The following BRI3 variants were observed in gnomAD, a reference collection of about 807,000 sequenced individuals.
BRI3 encodes the protein membrane protein BRI3.
Under a neutral mutation model 12.8 loss-of-function variants are expected in BRI3, and 6 were observed. That is an observed-to-expected ratio of 0.47 (90% CI 0.26 to 0.93). BRI3 has a LOEUF of 0.93. BRI3 is among the 40% of genes least tolerant of loss of function. The pLI is 0.15. For missense variants in BRI3, 134 were observed against 171.1 expected, an observed-to-expected ratio of 0.78 and a Z score of 1.21; for synonymous variants, 91 against 76.1, an observed-to-expected ratio of 1.20 and a Z score of -1.02.
At chr7:98,306,387 G>T (rs768288557), upstream of BRI3, 15 of 1,598,964 alleles carry the variant, frequency 9.4e-6, no homozygotes, top group Admixed American at 5.0e-5. Flanking sequence ...TTACAGAAAC[G>T]ACAAGGCAGG....
intron 2 of BRI3, among the ~76,000 whole-genome samples, chr7:98,285,462 G>T (rs1217361764): frequency 6.6e-6 from 1 of 152,218 alleles, no homozygotes; most frequent in Admixed American, 6.5e-5. Flanking sequence ...CTGCCCATAT[G>T]TATGGCCTGT....
chr7:98,283,417 G>C (rs12113647), intron 2 of BRI3, among the ~76,000 whole-genome samples: 3,035 of 152,232 alleles, frequency 0.02, 106 homozygotes, highest in African/African-American at 0.07. Context: ...CTGGGACCTC[G>C]GGGGCAGGTT....
intron 2 of BRI3, among the ~76,000 whole-genome samples, chr7:98,286,552 C>G (rs563363971): frequency 4.6e-5 from 7 of 152,220 alleles, no homozygotes; most frequent in Non-Finnish European, 1.0e-4. Flanking sequence ...TGGGCTCTTC[C>G]GGGTTTGGAA....
At chr7:98,308,491 G>A (rs1800749405) in exon 2 of BRI3, 1 of 363,766 alleles carries the variant, frequency 2.7e-6, no homozygotes, top group Non-Finnish European at 5.4e-6. Flanking sequence ...CAGGAGGAAG[G>A]TGCTGCTATT....
At chr7:98,317,324 C>A in the BRI3 span, 1 of 1,614,046 alleles carries the variant, frequency 6.2e-7, no homozygotes. Context: ...CTAATTTATT[C>A]TTGTGTTCTG....
chr7:98,297,487 A>G (rs1478872380), downstream of BRI3, among the ~76,000 whole-genome samples: 1 of 152,138 alleles, frequency 6.6e-6, no homozygotes, highest in African/African-American at 2.4e-5. Flanking sequence ...CTTGCTCCTG[A>G]GCAGAATGGA....
intron 2 of BRI3, among the ~76,000 whole-genome samples, chr7:98,290,181 G>GTTTTTT (rs1180326213): frequency 2.0e-4 from 20 of 102,556 alleles, no homozygotes; most frequent in South Asian, 4.1e-4. Flanking sequence ...TCTCAAGGTT[G>GTTTTTT]TTTTTTTTTT....
chr7:98,294,669 A>G (rs1339168859), downstream of BRI3, among the ~76,000 whole-genome samples: 3 of 152,244 alleles, frequency 2.0e-5, no homozygotes, highest in Non-Finnish European at 4.4e-5. Context: ...CGGTCTTTTG[A>G]ACGCAGAATC....
upstream of BRI3, chr7:98,304,471 G>A: frequency 1.6e-6 from 2 of 1,220,112 alleles, no homozygotes; most frequent in Admixed American, 2.2e-5. Context: ...AACAGTAATA[G>A]TACATCACCA....
At chr7:98,315,387 C>A (rs1801037390), downstream of BRI3, 3 of 1,297,976 alleles carry the variant, frequency 2.3e-6, no homozygotes, top group Non-Finnish European at 2.0e-6. Flanking sequence ...TGGGCCACGG[C>A]CCAGCCTTCT....
chr7:98,287,605 G>A (rs959079917), intron 2 of BRI3, among the ~76,000 whole-genome samples: 15 of 152,330 alleles, frequency 9.8e-5, no homozygotes, highest in African/African-American at 3.1e-4. Context: ...GCCCTGGCCC[G>A]TGGCAGTGGG....
chr7:98,299,891 A>G (rs1319250150), intron 1 of BRI3, among the ~76,000 whole-genome samples: 1 of 152,036 alleles, frequency 6.6e-6, no homozygotes, highest in Non-Finnish European at 1.5e-5. Context: ...AAATACAAAA[A>G]TTAGCTGGGT....
At chr7:98,291,013 G>A (rs1799923622) in intron 2 of BRI3, 98 bp from the exon 3 acceptor site, 2 of 1,396,844 alleles carry the variant, frequency 1.4e-6, no homozygotes, top group Non-Finnish European at 2.0e-6. Flanking sequence ...TGTGACTCAT[G>A]GCCACTGGTT....
the BRI3 span, among the ~76,000 whole-genome samples, chr7:98,319,324 C>T: frequency 3.3e-5 from 5 of 152,138 alleles, no homozygotes; most frequent in Admixed American, 2.6e-4. Flanking sequence ...AGAGAAGGGG[C>T]GCCATGCAGG....
At chr7:98,306,590 G>A (rs769259940) in exon 1 of BRI3, 2 of 1,608,990 alleles carry the variant, frequency 1.2e-6, no homozygotes, top group South Asian at 1.1e-5. Context: ...ACAACCTGGT[G>A]AGAGCTCAGG....
chr7:98,283,020 A>T (rs1210111404), intron 2 of BRI3: 1 of 151,764 alleles, frequency 6.6e-6, no homozygotes, highest in Non-Finnish European at 1.5e-5. Flanking sequence ...GGCAGGAGTT[A>T]TTTTTTTCAT....
chr7:98,299,567 G>A (rs1425132734), intron 1 of BRI3, among the ~76,000 whole-genome samples: 2 of 152,012 alleles, frequency 1.3e-5, no homozygotes, highest in African/African-American at 4.8e-5. Context: ...CTGTCGCTCA[G>A]GCTGGACTTG....
At chr7:98,312,027 C>T, downstream of BRI3, 1 of 1,477,694 alleles carries the variant, frequency 6.8e-7, no homozygotes, top group South Asian at 1.4e-5. Context: ...CCCACCAACA[C>T]AGGCAAATTT....
At chr7:98,293,223 A>C (rs1385054943), downstream of BRI3, 1 of 327,908 alleles carries the variant, frequency 3.0e-6, no homozygotes, top group Admixed American at 4.6e-5. Flanking sequence ...TTAAGGAAAA[A>C]ATTCATTTAA....
Sources: gnomAD v4.1 joint callset for allele counts (sites outside exome capture counted in the v4.1 genomes callset) on GRCh38, gnomAD v4.1.1 for gene constraint, MANE v1.5 for transcripts, NCBI Gene and HGNC (gene_info 2026-07-23, HGNC 2026-07-21) for gene names.